KIF5A: variants seen among roughly 807,000 people sequenced by gnomAD.
The protein encoded by KIF5A is kinesin family member 5A, also known as kinesin heavy chain isoform 5A.
A neutral mutation model predicts 141.3 loss-of-function variants in KIF5A; 35 were observed. The observed-to-expected ratio is 0.25, with a 90% CI of 0.19 to 0.33. The LOEUF (loss-of-function observed/expected upper bound fraction) is 0.33, where lower values mean the gene tolerates loss of function less well. Ranked by LOEUF, KIF5A falls within the 10% of genes least tolerant of loss-of-function variation. The pLI, the probability that KIF5A is intolerant of heterozygous loss-of-function variation, is 1.00. For synonymous variants in KIF5A, 448 were observed against 500.2 expected (o/e 0.90, Z 1.39); for missense variants, 861 against 1,314.3 (o/e 0.66, Z 5.33).
Position 57,575,627 on chromosome 12 carries a change from T to C in KIF5A, c.1906-13T>C. 6.2e-7 allele frequency: 1 copy of C among 1,611,530 alleles called. No homozygotes were observed. Among genetic ancestry groups the C allele is most frequent in the Non-Finnish European group, 8.5e-7 (1 of 1,177,692 alleles). On this transcript the variant is annotated splice_polypyrimidine_tract_variant and intron_variant, in intron 16 of 28. Transcript: ENST00000455537. ...GCTCCATCTTCTTCCTCTCACCAACTTTCTCCCACCAGCATGAGGCCAAGA... is the reference window on the plus strand; with the variant it reads ...GCTCCATCTTCTTCCTCTCACCAACCTTCTCCCACCAGCATGAGGCCAAGA...
intron 7 of KIF5A, 130 bp downstream of exon 7, chr12:57,567,343 G>C (rs1882095479): frequency 2.4e-6 from 3 of 1,266,010 alleles, no homozygotes; most frequent in Non-Finnish European, 3.4e-6. Context: ...CTTGTCTGTG[G>C]GACCCTGCTG....
At chr12:57,568,349 A>G (rs80161048) in intron 8 of KIF5A, among the ~76,000 whole-genome samples, 9,347 of 152,174 alleles carry the variant, frequency 0.061, 379 homozygotes, top group Middle Eastern at 0.095. Context: ...GTCACTCTCC[A>G]TTGTCCCCTA....
chr12:57,580,390 C>G (rs756221178), intron 23 of KIF5A, among the ~76,000 whole-genome samples: 3 of 152,160 alleles, frequency 2.0e-5, no homozygotes, highest in Admixed American at 6.5e-5. Context: ...TTCCTTCCTA[C>G]GGGGCGGGCT....
rs1323001440 is a variant in KIF5A at position 57,581,013 on chromosome 12, A to C, written c.2596A>C (p.Arg866=). ...CELPKLEKRL[R]ATAERVKALE... ...GCTTCCTAAATTGGAAAAACGACTTAGGGCTACGGCTGAGAGAGTTAAGGC... is the reference window on the plus strand; with the variant it reads ...GCTTCCTAAATTGGAAAAACGACTTCGGGCTACGGCTGAGAGAGTTAAGGC... The change falls in exon 24 of 29, where the codon AGG becomes CGG. Residue 866 remains arginine (R), a synonymous_variant. Transcript: ENST00000455537. 1 of 1,614,132 alleles carries C rather than the reference A, an allele frequency of 6.2e-7. No individual in the cohort carries two copies.
chr12:57,552,908 G>A (rs1881622754), intron 1 of KIF5A, among the ~76,000 whole-genome samples: 2 of 152,076 alleles, frequency 1.3e-5, no homozygotes, highest in South Asian at 2.1e-4. Context: ...CTGTTCGTGG[G>A]CTTTGTTCTG....
intron 23 of KIF5A, among the ~76,000 whole-genome samples, chr12:57,579,415 C>G (rs1209225772): frequency 1.3e-5 from 2 of 152,140 alleles, no homozygotes; most frequent in East Asian, 3.8e-4. Flanking sequence ...CTTAAGATTC[C>G]ATTTAAACTT....
chr12:57,572,373 A>G lies in KIF5A; in HGVS notation c.1569+106A>G. On this transcript the variant is annotated intron_variant, in intron 14 of 28. Coordinates refer to ENST00000455537, the MANE Select transcript of KIF5A (RefSeq NM_004984.4). The surrounding 1 kb of genome is among the most constrained non-coding windows in gnomAD (Gnocchi z 4.2). Reference sequence around the variant, plus strand: ...GGCTGTATGGTGGCTGCACCTCTGCACTGCTGTTCAGTGCATTGTGAGTCC... The same window carrying G: ...GGCTGTATGGTGGCTGCACCTCTGCGCTGCTGTTCAGTGCATTGTGAGTCC... 4 of 1,303,726 alleles carry G rather than the reference A, an allele frequency of 3.1e-6. No homozygotes were observed. Among genetic ancestry groups the G allele is most frequent in the South Asian group, 1.3e-5 (1 of 78,654 alleles). 80.8% of individuals were successfully genotyped at this position (1,303,726 alleles called of 1,614,324 possible). A position where few individuals can be genotyped will look rare whatever the true frequency, so the allele number is the denominator to read the frequency against.
intron 28 of KIF5A, among the ~76,000 whole-genome samples, 174 bp downstream of exon 28, chr12:57,583,389 A>G (rs1349134222): frequency 6.6e-6 from 1 of 151,808 alleles, no homozygotes; most frequent in Non-Finnish European, 1.5e-5. Context: ...GTGCTGCCCC[A>G]TGTAATCTGG....
In KIF5A at chr12:57,584,533, T is replaced by G. The variant is rs1258312816; in HGVS notation, c.*352T>G. ...TCTCACACTGAGTGGTGTTAGTCAC[T>G]GAGTAGAGGTCACAGAGATGACAAA... On this transcript the variant is annotated 3_prime_UTR_variant, in exon 29 of 29. Transcript: ENST00000455537. The G allele has an allele frequency of 3.9e-5, 6 of 152,582 alleles. No individual in the cohort carries two copies. The highest frequency in any genetic ancestry group is 8.8e-5 in the Non-Finnish European group (6 of 68,040). 9.5% of individuals were successfully genotyped at this position (152,582 alleles called of 1,614,324 possible). A position where few individuals can be genotyped will look rare whatever the true frequency, so the allele number is the denominator to read the frequency against.
chr12:57,585,992 T>C lies in KIF5A; in HGVS notation c.*1811T>C, dbSNP rs186514587. 1.6e-3 allele frequency: 228 copies of C among 145,124 alleles called. 2 individuals carry two copies. Among genetic ancestry groups the C allele is most frequent in the African/African-American group, 5.7e-3 (219 of 38,596 alleles). The allele number at this position is 145,124 out of a possible 1,614,324, so 9.0% of individuals were successfully genotyped here. On this transcript the variant is annotated 3_prime_UTR_variant, in exon 29 of 29. Coordinates refer to ENST00000455537, the MANE Select transcript of KIF5A (RefSeq NM_004984.4). The stretch of plus-strand genomic sequence containing the variant: ...GACTGTTCAAAGGCTCCTCAGCAAA[T>C]GAGCCCTTGAACAGTCCTAAGAGAC...
intron 17 of KIF5A, 29 bp from the exon 18 acceptor site, chr12:57,576,058 T>C (rs753762412): frequency 2.5e-5 from 41 of 1,609,414 alleles, no homozygotes; most frequent in Admixed American, 6.7e-5. Context: ...GTAGGTTTGA[T>C]GTCAGCTGTC....
intron 1 of KIF5A, among the ~76,000 whole-genome samples, chr12:57,563,010 TC>T (rs1565695722): frequency 6.6e-6 from 1 of 150,788 alleles, no homozygotes. Context: ...TTTCTTTTCT[TC>T]TTCTTTTTTT....
At position 57,567,477 on chromosome 12, in the gene KIF5A, C is replaced by T; in HGVS notation, c.590-17C>T. ...CTGCAGGGTGGTGCAGGTCCTGTTT[C>T]TCCCTTGCTCCTGCAGACATGAATG... On this transcript the variant is annotated splice_polypyrimidine_tract_variant and intron_variant, in intron 7 of 28. Coordinates refer to ENST00000455537, the MANE Select transcript of KIF5A (RefSeq NM_004984.4). 6.2e-7 allele frequency: 1 copy of T among 1,612,532 alleles called. No homozygotes were observed. The highest frequency in any genetic ancestry group is 8.5e-7 in the Non-Finnish European group (1 of 1,179,526).
intron 1 of KIF5A, among the ~76,000 whole-genome samples, chr12:57,554,747 A>AGAGG (rs760401145): frequency 3.9e-5 from 6 of 152,156 alleles, no homozygotes; most frequent in Non-Finnish European, 7.4e-5. Flanking sequence ...TGGGAGGCAA[A>AGAGG]GAGGGAGCAG....
In KIF5A at chr12:57,550,525, T is replaced by C; in HGVS notation, c.129+125T>C. 4 of 918,930 alleles carry C rather than the reference T, an allele frequency of 4.4e-6. No homozygotes were observed. The highest frequency in any genetic ancestry group is 6.4e-6 in the Non-Finnish European group (4 of 624,324). The allele number at this position is 918,930 out of a possible 1,614,324, so 56.9% of individuals were successfully genotyped here. ...CCCCGCCGCTCATCCTTCATCCTCT[T>C]CCCCGCAGCCCCTCCTCTCCCCTGC... is the stretch of plus-strand genomic sequence containing the variant. On this transcript the variant is annotated intron_variant, in intron 1 of 28. Coordinates refer to ENST00000455537, the MANE Select transcript of KIF5A (RefSeq NM_004984.4). This position sits in a 1 kb window ranked among gnomAD's most constrained non-coding sequence, Gnocchi z 4.6.
rs1456679899 is a variant in KIF5A at position 57,550,182 on chromosome 12, C to T, written c.-90C>T. 10 of 1,568,624 alleles carry T rather than the reference C, an allele frequency of 6.4e-6. No individual in the cohort carries two copies. Among genetic ancestry groups the T allele is most frequent in the South Asian group, 2.2e-5 (2 of 90,016 alleles). ...CCCCAGAGACTGAGCACCTGTCCTCCGCCTCGGCCTCTGCTGAGAGCCCTC... is the reference window on the plus strand; with the variant it reads ...CCCCAGAGACTGAGCACCTGTCCTCTGCCTCGGCCTCTGCTGAGAGCCCTC... On this transcript the variant is annotated 5_prime_UTR_variant, in exon 1 of 29. Transcript: ENST00000455537. The surrounding 1 kb of genome is among the most constrained non-coding windows in gnomAD (Gnocchi z 4.6).
intron 6 of KIF5A, 113 bp from the exon 7 acceptor site, chr12:57,567,013 C>A (rs1166336526): frequency 4.5e-6 from 2 of 442,320 alleles, no homozygotes; most frequent in Non-Finnish European, 7.8e-6. Context: ...TGCACTCCAG[C>A]CTGGGCAGAG....
chr12:57,575,901 T>C, intron 17 of KIF5A, 144 bp downstream of exon 17: 1 of 898,600 alleles, frequency 1.1e-6, no homozygotes. Context: ...GTTTTGCATG[T>C]AGCTCATTTT....
intron 1 of KIF5A, among the ~76,000 whole-genome samples, chr12:57,560,586 T>C (rs1231972257): frequency 6.6e-6 from 1 of 152,222 alleles, no homozygotes; most frequent in Non-Finnish European, 1.5e-5. Flanking sequence ...TCAGTTTCTT[T>C]TCTTGGAAAA....
Sources: gnomAD v4.1 joint callset for allele counts (sites outside exome capture counted in the v4.1 genomes callset) on GRCh38, gnomAD v4.1.1 for gene constraint, Gnocchi (gnomAD v3.1) non-coding constraint, MANE v1.5 for transcripts, NCBI Gene and HGNC (gene_info 2026-07-23, HGNC 2026-07-21) for gene names.